Variants in KCNH7 observed in about 807,000 individuals in gnomAD.
KCNH7 encodes potassium voltage-gated channel subfamily H member 7.
Under a neutral mutation model 120.8 loss-of-function variants are expected in KCNH7, and 49 were observed. That is an observed-to-expected ratio of 0.41 (90% CI 0.32 to 0.51). The LOEUF (loss-of-function observed/expected upper bound fraction) is 0.51. Ranked by LOEUF, KCNH7 falls within the 20% of genes least tolerant of loss-of-function variation. The pLI is 0.38. For synonymous variants in KCNH7, 547 were observed against 516.1 expected (o/e 1.06, Z -0.81); for missense variants, 1,097 against 1,446.6 (o/e 0.76, Z 3.92).
Position 162,485,614 on chromosome 2 carries a change from G to A in KCNH7, c.1128+18829C>T, listed in dbSNP as rs560660184. 2.6e-5 allele frequency among the ~76,000 whole-genome samples: 4 copies of A among 152,282 alleles called. No homozygotes were observed. The South Asian group carries it at 8.3e-4, about 32-fold the overall frequency. The stretch of plus-strand genomic sequence containing the variant: ...TCTTTCTTTATTGAAAACACAAAGT[G>A]AGTTGGTAGATTCTGAACGTAGTAA... On this transcript the variant is annotated intron_variant, in intron 6 of 15. Coordinates refer to ENST00000332142, the MANE Select transcript of KCNH7 (RefSeq NM_033272.4).
chr2:162,500,201 CAT>C (rs1324108983), intron 6 of KCNH7, among the ~76,000 whole-genome samples: 2 of 147,262 alleles, frequency 1.4e-5, no homozygotes, highest in Non-Finnish European at 1.5e-5. Context: ...ATATACATTA[CAT>C]GTTATATACA....
At chr2:162,745,284 T>C (rs2060448) in intron 2 of KCNH7, among the ~76,000 whole-genome samples, 1 of 151,996 alleles carries the variant, frequency 6.6e-6, no homozygotes, top group Non-Finnish European at 1.5e-5. Flanking sequence ...TTAAGCTTCA[T>C]TTACCTTAAA....
chr2:162,636,749 A>G (rs566249546), intron 2 of KCNH7, among the ~76,000 whole-genome samples: 56 of 152,240 alleles, frequency 3.7e-4, no homozygotes, highest in African/African-American at 1.1e-3. Context: ...CACAGGATTA[A>G]CCTATAAATC....
intron 2 of KCNH7, among the ~76,000 whole-genome samples, chr2:162,556,581 C>T (rs939103922): frequency 1.5e-4 from 23 of 152,174 alleles, no homozygotes; most frequent in Middle Eastern, 3.2e-3. Flanking sequence ...CAACTGGCTG[C>T]AATGTATCTG....
intron 8 of KCNH7, among the ~76,000 whole-genome samples, chr2:162,423,798 T>C (rs1299995685): frequency 6.6e-6 from 1 of 152,224 alleles, no homozygotes; most frequent in African/African-American, 2.4e-5. Context: ...AGCTTGTGGC[T>C]GGGAGCACTG....
At chr2:162,779,049 A>G (rs1047044437) in intron 2 of KCNH7, among the ~76,000 whole-genome samples, 8 of 151,124 alleles carry the variant, frequency 5.3e-5, no homozygotes, top group African/African-American at 2.0e-4. Flanking sequence ...TTAATTACTT[A>G]TCAACTGTTA....
At chr2:162,431,214 T>C (rs1031962931) in intron 8 of KCNH7, among the ~76,000 whole-genome samples, 3 of 152,066 alleles carry the variant, frequency 2.0e-5, no homozygotes, top group Admixed American at 6.6e-5. Context: ...CAACTTGGCT[T>C]CAATTTTTCT....
chr2:162,615,832 A>T (rs1683123086), intron 2 of KCNH7, among the ~76,000 whole-genome samples: 2 of 152,194 alleles, frequency 1.3e-5, no homozygotes, highest in Admixed American at 1.3e-4. Flanking sequence ...ATGAATGCAC[A>T]TGCAGAAATG....
At chr2:162,645,109 G>A (rs2105245713) in intron 2 of KCNH7, among the ~76,000 whole-genome samples, 1 of 151,976 alleles carries the variant, frequency 6.6e-6, no homozygotes, top group East Asian at 1.9e-4. Flanking sequence ...AATCCCCATG[G>A]CACTACTTTG....
intron 6 of KCNH7, among the ~76,000 whole-genome samples, chr2:162,500,234 G>A (rs917454367): frequency 6.8e-6 from 1 of 146,826 alleles, no homozygotes; most frequent in African/African-American, 2.5e-5. Context: ...TAATATGTAT[G>A]TTACATATAC....
At chr2:162,667,150 G>T (rs1016935406) in intron 2 of KCNH7, among the ~76,000 whole-genome samples, 1 of 151,450 alleles carries the variant, frequency 6.6e-6, no homozygotes, top group South Asian at 2.1e-4. Context: ...CTCCTGAGTA[G>T]CTGGGACTAT....
intron 6 of KCNH7, chr2:162,501,878 A>G (rs1393783392): frequency 6.6e-6 from 1 of 152,088 alleles, no homozygotes; most frequent in Non-Finnish European, 1.5e-5. Flanking sequence ...AATATTTTAA[A>G]AGATTTTTAA....
chr2:162,441,134 G>T (rs1392637119), intron 7 of KCNH7, among the ~76,000 whole-genome samples: 1 of 152,064 alleles, frequency 6.6e-6, no homozygotes, highest in African/African-American at 2.4e-5. Context: ...AGAAACTTCT[G>T]TCTAAACTCC....
chr2:162,428,457 T>C (rs1687941410), intron 8 of KCNH7, among the ~76,000 whole-genome samples: 1 of 151,896 alleles, frequency 6.6e-6, no homozygotes, highest in Non-Finnish European at 1.5e-5. Context: ...GCCCAGCATA[T>C]GGCTTGTCTA....
intron 2 of KCNH7, among the ~76,000 whole-genome samples, chr2:162,730,763 C>T (rs145049401): frequency 4.0e-5 from 6 of 151,804 alleles, no homozygotes; most frequent in South Asian, 2.1e-4. Context: ...ACAATATCAG[C>T]GGGAAAAAGG....
chr2:162,407,747 T>C (rs1419466926), intron 9 of KCNH7, among the ~76,000 whole-genome samples: 1 of 151,962 alleles, frequency 6.6e-6, no homozygotes, highest in African/African-American at 2.4e-5. Flanking sequence ...GAACAGAACA[T>C]AACCATAGTG....
At chr2:162,469,486 A>G (rs1468695761) in intron 6 of KCNH7, among the ~76,000 whole-genome samples, 1 of 151,918 alleles carries the variant, frequency 6.6e-6, no homozygotes, top group Non-Finnish European at 1.5e-5. Flanking sequence ...ATCTTTGACA[A>G]CGGTACTAGT....
intron 3 of KCNH7, among the ~76,000 whole-genome samples, chr2:162,530,500 A>C (rs1226038154): frequency 3.3e-5 from 5 of 151,952 alleles, no homozygotes; most frequent in African/African-American, 1.2e-4. Flanking sequence ...ACACAATTAC[A>C]AACACTTTAG....
chr2:162,472,694 A>G (rs1031988469), intron 6 of KCNH7, among the ~76,000 whole-genome samples: 2 of 152,320 alleles, frequency 1.3e-5, no homozygotes, highest in East Asian at 1.9e-4. Context: ...TTCCTCAGGG[A>G]TCTAGAACTA....
Sources: allele counts gnomAD v4.1 joint callset (sites outside exome capture counted in the v4.1 genomes callset), GRCh38; gene constraint gnomAD v4.1.1; transcripts MANE v1.5; gene names NCBI Gene and HGNC (gene_info 2026-07-23, HGNC 2026-07-21).